The following BCKDHB variants were observed in gnomAD, a reference collection of about 807,000 sequenced individuals.
BCKDHB encodes the protein branched chain keto acid dehydrogenase E1 subunit beta, also known as 2-oxoisovalerate dehydrogenase subunit beta, mitochondrial.
BCKDHB carries 41 observed loss-of-function variants against 48.5 expected under a neutral mutation model. The ratio of observed to expected loss-of-function variants is 0.85; its 90% CI spans 0.66 to 1.10. BCKDHB has a LOEUF of 1.10. BCKDHB is among the 50% of genes least tolerant of loss of function. The pLI is 0.00. For synonymous variants in BCKDHB, 201 were observed against 174.8 expected (o/e 1.15, Z -1.18); for missense variants, 496 against 494.2 (o/e 1.00, Z -0.03).
chr6:80,183,580 A>G (rs1773511422), intron 6 of BCKDHB, among the ~76,000 whole-genome samples: 1 of 152,136 alleles, frequency 6.6e-6, no homozygotes, highest in African/African-American at 2.4e-5. Flanking sequence ...TTTACAATTG[A>G]TGACCTATGT....
At chr6:80,351,824 CTTTT>C in the BCKDHB span, among the ~76,000 whole-genome samples, 2 of 135,086 alleles carry the variant, frequency 1.5e-5, no homozygotes, top group Admixed American at 7.6e-5. Context: ...TTCTTTCTTT[CTTTT>C]TTTTTTTTTT....
chr6:80,363,500 T>G, the BCKDHB span, among the ~76,000 whole-genome samples: 1 of 152,226 alleles, frequency 6.6e-6, no homozygotes. Context: ...TGGGTGCAAC[T>G]TTTTTCTCAT....
intron 6 of BCKDHB, among the ~76,000 whole-genome samples, chr6:80,196,500 A>G (rs1425299529): frequency 6.6e-6 from 1 of 152,104 alleles, no homozygotes; most frequent in African/African-American, 2.4e-5. Context: ...ATCTATTTCC[A>G]TCTTTGTAAC....
intron 5 of BCKDHB, among the ~76,000 whole-genome samples, chr6:80,170,813 A>T (rs1354470664): frequency 6.6e-6 from 1 of 152,170 alleles, no homozygotes; most frequent in Non-Finnish European, 1.5e-5. Flanking sequence ...CTAATTTTTC[A>T]CTTATGAAAT....
the BCKDHB span, among the ~76,000 whole-genome samples, chr6:80,434,367 A>G: frequency 6.6e-6 from 1 of 151,538 alleles, no homozygotes; most frequent in African/African-American, 2.4e-5. Context: ...AATACTCTAC[A>G]AAGTAGAGTA....
At chr6:80,358,297 A>T in the BCKDHB span, among the ~76,000 whole-genome samples, 1 of 152,312 alleles carries the variant, frequency 6.6e-6, no homozygotes, top group African/African-American at 2.4e-5. Context: ...ATACACATAT[A>T]TACACAAATA....
chr6:80,345,581 C>T lies in BCKDHB; in HGVS notation c.*1777C>T, dbSNP rs542724291. On this transcript the variant is annotated 3_prime_UTR_variant, in exon 10 of 10. Coordinates refer to ENST00000320393, the MANE Select transcript of BCKDHB (RefSeq NM_183050.4). The stretch of plus-strand genomic sequence containing the variant: ...AGTTAGGACCATTAGCCCACAGATG[C>T]ATGTATTCTCTCAGACATACCGGTG... The T allele has an allele frequency of 6.6e-5, 10 of 152,312 alleles. No homozygotes were observed. The highest frequency in any genetic ancestry group is 1.9e-4 in the East Asian group (1 of 5,182). The allele number at this position is 152,312 out of a possible 1,614,324, so 9.4% of individuals were successfully genotyped here.
At chr6:80,232,654 T>C (rs1775976006) in intron 8 of BCKDHB, among the ~76,000 whole-genome samples, 2 of 120,722 alleles carry the variant, frequency 1.7e-5, no homozygotes, top group African/African-American at 6.3e-5. Flanking sequence ...AAATCACCTG[T>C]AAATAAAATT....
At chr6:80,437,215 G>A in the BCKDHB span, among the ~76,000 whole-genome samples, 2,469 of 151,682 alleles carry the variant, frequency 0.016, 64 homozygotes, top group African/African-American at 0.057. Context: ...ACAAAGTTCA[G>A]TAAAGAAAAA....
At chr6:80,444,407 T>C in the BCKDHB span, among the ~76,000 whole-genome samples, 1 of 152,196 alleles carries the variant, frequency 6.6e-6, no homozygotes, top group Non-Finnish European at 1.5e-5. Context: ...ATATAATTCT[T>C]GATACTTATT....
intron 8 of BCKDHB, among the ~76,000 whole-genome samples, chr6:80,252,786 TA>T (rs1392330947): frequency 6.6e-6 from 1 of 152,170 alleles, no homozygotes; most frequent in African/African-American, 2.4e-5. Context: ...ATGAGTAACA[TA>T]AATATTAAGC....
chr6:80,284,483 T>TA (rs201349312), intron 9 of BCKDHB, among the ~76,000 whole-genome samples: 1 of 53,826 alleles, frequency 1.9e-5, no homozygotes, highest in Non-Finnish European at 4.5e-5. Flanking sequence ...CAAGTTAACT[T>TA]AAAAAGTGAC....
At chr6:80,440,092 G>A in the BCKDHB span, among the ~76,000 whole-genome samples, 1 of 152,194 alleles carries the variant, frequency 6.6e-6, no homozygotes, top group African/African-American at 2.4e-5. Flanking sequence ...TACTGGTAGA[G>A]ATGTGCTTCT....
In BCKDHB at chr6:80,129,191, G is replaced by C. The variant is rs987877790; in HGVS notation, c.305G>C (p.Gly102Ala). ...TTTGGTGAAGATGTTGCCTTTGGTG[G>C]AGTCTTTAGATGCACTGTTGGCTTG... Reference protein sequence around the residue: ...VIFGEDVAFGGVFRCTVGLRD... With the variant: ...VIFGEDVAFGAVFRCTVGLRD... The change falls in exon 3 of 10, where the codon GGA becomes GCA. Residue 102 changes from glycine (G) to alanine (A), a missense_variant. Transcript: ENST00000320393. The C allele has an allele frequency of 3.7e-6, 6 of 1,610,594 alleles. No individual in the cohort carries two copies. The highest frequency in any genetic ancestry group is 5.1e-6 in the Non-Finnish European group (6 of 1,177,898).
At chr6:80,223,946 G>C (rs981556798) in intron 8 of BCKDHB, among the ~76,000 whole-genome samples, 2 of 152,224 alleles carry the variant, frequency 1.3e-5, no homozygotes, top group African/African-American at 4.8e-5. Context: ...CAGAAGAATA[G>C]ATGGTTGGAA....
chr6:80,380,189 T>G, the BCKDHB span, among the ~76,000 whole-genome samples: 2 of 151,962 alleles, frequency 1.3e-5, no homozygotes, highest in African/African-American at 2.4e-5. Flanking sequence ...TCAAATTATA[T>G]TACAAGGCCA....
the BCKDHB span, among the ~76,000 whole-genome samples, chr6:80,457,054 T>C: frequency 1.3e-5 from 2 of 152,208 alleles, no homozygotes; most frequent in East Asian, 1.9e-4. Context: ...CAACCACTTA[T>C]ATTGTGAACT....
chr6:80,216,278 T>A (rs544777423), intron 8 of BCKDHB, among the ~76,000 whole-genome samples: 3 of 152,110 alleles, frequency 2.0e-5, no homozygotes, highest in Non-Finnish European at 4.4e-5. Flanking sequence ...CACTTGAGAG[T>A]TTTGCTGATC....
the BCKDHB span, among the ~76,000 whole-genome samples, chr6:80,446,335 C>T: frequency 2.0e-5 from 3 of 152,222 alleles, no homozygotes; most frequent in South Asian, 2.1e-4. Flanking sequence ...GGCACGTGGG[C>T]ATTGTCTGAT....
Sources: allele counts gnomAD v4.1 joint callset (sites outside exome capture counted in the v4.1 genomes callset), GRCh38; gene constraint gnomAD v4.1.1; transcripts MANE v1.5; gene names NCBI Gene and HGNC (gene_info 2026-07-23, HGNC 2026-07-21).